COPRS: variants seen among roughly 807,000 people sequenced by gnomAD.
The protein encoded by COPRS is coordinator of PRMT5 and differentiation stimulator.
In COPRS, 11 loss-of-function variants were observed where a neutral mutation model predicts 19.9. That is an observed-to-expected ratio of 0.55 (90% confidence interval 0.35 to 0.92). The LOEUF (loss-of-function observed/expected upper bound fraction) is 0.92, where lower values mean the gene tolerates loss of function less well. Among genes scored for constraint, COPRS ranks in the 40% least tolerant of loss-of-function variants. The probability of loss-of-function intolerance (pLI) is 0.01; values close to 1 mark genes in which losing one functional copy is unlikely to be tolerated. For missense variants in COPRS, 225 were observed against 229.9 expected (o/e 0.98, Z 0.14); for synonymous variants, 81 against 82.7 (o/e 0.98, Z 0.11).
At chr17:31,858,791 C>T in intron 1 of COPRS, 2 of 1,550,532 alleles carry the variant, frequency 1.3e-6, no homozygotes, top group Non-Finnish European at 1.7e-6. Flanking sequence ...CAGCGGGCCC[C>T]GGCTCTCGGT....
At chr17:31,859,063 C>A in intron 1 of COPRS, 38 bp downstream of exon 1, 5 of 1,150,614 alleles carry the variant, frequency 4.3e-6, no homozygotes, top group Non-Finnish European at 5.3e-6. Context: ...CCCCAGGCTG[C>A]GGCTGGCTGT....
chr17:31,859,217 T>C lies in COPRS; in HGVS notation c.-18A>G. 2.0e-6 allele frequency: 2 copies of C among 1,014,018 alleles called. No individual in the cohort carries two copies. The highest frequency in any genetic ancestry group is 2.4e-6 in the Non-Finnish European group (2 of 841,334). The allele number at this position is 1,014,018 out of a possible 1,614,324, so 62.8% of individuals were successfully genotyped here. A position where few individuals can be genotyped will look rare whatever the true frequency, so the allele number is the denominator to read the frequency against. On this transcript the variant is annotated 5_prime_UTR_variant, in exon 1 of 4. Coordinates refer to ENST00000302362, the MANE Select transcript of COPRS (RefSeq NM_018405.4). The stretch of plus-strand genomic sequence containing the variant: ...AGGTCCATGCCCTGCGGCCCGCGGC[T>C]GGTCGCCCTGGACGCCGTGGGCCAC...
intron 2 of COPRS, among the ~76,000 whole-genome samples, chr17:31,854,090 C>T (rs755359156): frequency 2.0e-5 from 3 of 152,152 alleles, no homozygotes; most frequent in African/African-American, 4.8e-5. Context: ...CGGACTGGGC[C>T]GGGCACGGTA....
At chr17:31,854,355 CAAAAAAA>C (rs34371712) in intron 2 of COPRS, among the ~76,000 whole-genome samples, 4 of 46,438 alleles carry the variant, frequency 8.6e-5, no homozygotes, top group East Asian at 7.4e-4. Flanking sequence ...ACCCTGTCTC[CAAAAAAA>C]AAAAAAAAAA....
chr17:31,852,338 G>T, intron 3 of COPRS, 30 bp from the exon 4 acceptor site: 1 of 1,570,072 alleles, frequency 6.4e-7, no homozygotes, highest in South Asian at 1.2e-5. Context: ...ACAGATTAAG[G>T]GAAGGAAGGA....
chr17:31,858,650 G>C, intron 1 of COPRS: 1 of 1,221,728 alleles, frequency 8.2e-7, no homozygotes, highest in Non-Finnish European at 1.2e-6. Flanking sequence ...GTAAGGAGAA[G>C]GGGGAGCGCG....
intron 2 of COPRS, among the ~76,000 whole-genome samples, chr17:31,854,009 A>G (rs997371555): frequency 2.6e-5 from 4 of 152,206 alleles, no homozygotes; most frequent in Admixed American, 6.5e-5. Context: ...CAATAAAGTG[A>G]TAGTTCAGAG....
Position 31,852,727 on chromosome 17 carries a change from C to T in COPRS, c.385+85G>A. On this transcript the variant is annotated intron_variant, in intron 3 of 3. Transcript: ENST00000302362. ...CCAGCCTAAGCTCATAGATGTGGAC[C>T]CCTGTTCCAAACTGCCTTCAGGGCT... 4 of 908,728 alleles carry T rather than the reference C, an allele frequency of 4.4e-6. No homozygotes were observed. The South Asian group carries it at 5.2e-5, about 12-fold the overall frequency. The allele number at this position is 908,728 out of a possible 1,614,324, so 56.3% of individuals were successfully genotyped here. A position where few individuals can be genotyped will look rare whatever the true frequency, so the allele number is the denominator to read the frequency against.
Position 31,859,097 on chromosome 17 carries a change from T to G in COPRS, c.99+4A>C, listed in dbSNP as rs905145752. The G allele has an allele frequency of 1.8e-6, 2 of 1,114,182 alleles. No individual in the cohort carries two copies. Among genetic ancestry groups the G allele is most frequent in the Admixed American group, 4.7e-5 (1 of 21,428 alleles). 69.0% of individuals were successfully genotyped at this position (1,114,182 alleles called of 1,614,324 possible). On this transcript the variant is annotated splice_donor_region_variant and intron_variant, in intron 1 of 3. Transcript: ENST00000302362. Reference sequence around the variant, plus strand: ...GTTGCTCCTGGCCCCCACGCGGCGCTCACCTCCGGGCTGGGGGGCGCCCCC... The same window carrying G: ...GTTGCTCCTGGCCCCCACGCGGCGCGCACCTCCGGGCTGGGGGGCGCCCCC...
rs1909210149 is a variant in COPRS, at chr17:31,852,962, C to T, written c.235G>A (p.Gly79Ser). ...GAGTCCTCCTCATCCATGGCAAAGC[C>T]TTCCTCTTCAGAATGGGTGCCCTCA... ...RGEGTHSEEE[G>S]FAMDEEDSDG... Residue 79 changes from glycine (G) to serine (S), a missense_variant, in exon 3 of 4, where the codon GGC (glycine) becomes AGC (serine). Physicochemically the swap from Gly to Ser is moderately conservative, Grantham distance 56. Transcript: ENST00000302362. 2 of 1,614,176 alleles carry T rather than the reference C, an allele frequency of 1.2e-6. No individual in the cohort carries two copies. The highest frequency in any genetic ancestry group is 1.7e-5 in the Admixed American group (1 of 60,022).
rs1180008835 is a variant in COPRS at position 31,856,539 on chromosome 17, A to C, written c.166+260T>G. 2.5e-5 allele frequency: 12 copies of C among 487,452 alleles called. 1 individual carries two copies. In the East Asian group the frequency reaches 5.0e-4, roughly 20 times the overall value. The allele number at this position is 487,452 out of a possible 1,614,324, so 30.2% of individuals were successfully genotyped here. On this transcript the variant is annotated intron_variant, in intron 2 of 3. Coordinates refer to ENST00000302362, the MANE Select transcript of COPRS (RefSeq NM_018405.4). The stretch of plus-strand genomic sequence containing the variant: ...TCTTAGAATGTATCCCCTAGGAATA[A>C]GGTGAGACTGCTGTACTATTTTCAC...
rs1278272308 is a variant in COPRS, at chr17:31,851,953, GAAC to G, written c.*183_*185del. On this transcript the variant is annotated 3_prime_UTR_variant, in exon 4 of 4. Transcript: ENST00000302362. The stretch of plus-strand genomic sequence containing the variant: ...CACATTTCAAGGAGGAGCCCATTAA[GAAC>G]AACAACAGACTGGCGAGAATGACGG... 26 of 603,172 alleles carry G rather than the reference GAAC, an allele frequency of 4.3e-5. No homozygotes were observed. Among genetic ancestry groups the G allele is most frequent in the South Asian group, 2.2e-4 (11 of 49,510 alleles). 37.4% of individuals were successfully genotyped at this position (603,172 alleles called of 1,614,324 possible).
intron 2 of COPRS, 88 bp downstream of exon 2, chr17:31,856,711 G>A: frequency 1.1e-6 from 1 of 872,874 alleles, no homozygotes; most frequent in Non-Finnish European, 2.0e-6. Context: ...GAGAGGACTG[G>A]CTAAAAGAGA....
At position 31,852,941 on chromosome 17, in the gene COPRS, C is replaced by A; in HGVS notation, c.256G>T (p.Asp86Tyr). 1 of 1,614,036 alleles carries A rather than the reference C, an allele frequency of 6.2e-7. No homozygotes were observed. The highest frequency in any genetic ancestry group is 8.5e-7 in the Non-Finnish European group (1 of 1,179,850). Residue 86 changes from aspartate (D) to tyrosine (Y), a missense_variant, in exon 3 of 4, where the codon GAC (aspartate) becomes TAC (tyrosine). Asp to Tyr is a radical substitution (Grantham distance 160). Transcript: ENST00000302362. ...EEEGFAMDEEDSDGELNTWEL... is the reference protein window; with the variant it reads ...EEEGFAMDEEYSDGELNTWEL... The stretch of plus-strand genomic sequence containing the variant: ...CAGGTATTCAGTTCTCCATCAGAGT[C>A]CTCCTCATCCATGGCAAAGCCTTCC...
Position 31,856,509 on chromosome 17 carries a change from G to A in COPRS, c.166+290C>T, listed in dbSNP as rs990342172. ...CAGTTTCAGGCATCCATTGGGGCGG[G>A]GGGGTCTTAGAATGTATCCCCTAGG... On this transcript the variant is annotated intron_variant, in intron 2 of 3. Transcript: ENST00000302362. 15 of 413,650 alleles carry A rather than the reference G, an allele frequency of 3.6e-5. No individual in the cohort carries two copies. The Admixed American group carries it at 5.0e-4, about 14-fold the overall frequency. 25.6% of individuals were successfully genotyped at this position (413,650 alleles called of 1,614,324 possible).
chr17:31,857,146 C>T (rs1051876713), intron 1 of COPRS, among the ~76,000 whole-genome samples: 3 of 152,240 alleles, frequency 2.0e-5, no homozygotes, highest in East Asian at 3.9e-4. Context: ...TACAGTTCTG[C>T]GAACTCTTGC....
At chr17:31,857,466 C>G (rs1178184376) in intron 1 of COPRS, among the ~76,000 whole-genome samples, 1 of 152,206 alleles carries the variant, frequency 6.6e-6, no homozygotes, top group Non-Finnish European at 1.5e-5. Flanking sequence ...CACCAACACA[C>G]TGAGGTGGGG....
intron 1 of COPRS, among the ~76,000 whole-genome samples, chr17:31,857,671 TC>T (rs1469401358): frequency 1.3e-5 from 2 of 152,272 alleles, no homozygotes; most frequent in Admixed American, 1.3e-4. Flanking sequence ...CTGATTTTGA[TC>T]CCAGCTCTGC....
chr17:31,852,294 G>C lies in COPRS; in HGVS notation c.400C>G (p.Gln134Glu), dbSNP rs369078737. ...TTAAGCTCTTGAGAAATGCTCTCCT[G>C]GATGTCGTCAGCATCTGCAGGCAGT... ...QGNPYDADDIQESISQELKPW... is the reference protein window; with the variant it reads ...QGNPYDADDIEESISQELKPW... The change falls in exon 4 of 4, where the codon CAG becomes GAG. Residue 134 changes from glutamine to glutamate, a missense_variant. Gln to Glu is a conservative substitution (Grantham distance 29). Around this residue, in one of 3 missense-constraint regions of COPRS, gnomAD observed 170 missense variants for 171.4 expected, o/e 0.99. Coordinates refer to ENST00000302362, the MANE Select transcript of COPRS (RefSeq NM_018405.4). 2.5e-5 allele frequency: 40 copies of C among 1,607,224 alleles called. No individual in the cohort carries two copies. Among genetic ancestry groups the C allele is most frequent in the Non-Finnish European group, 3.1e-5 (37 of 1,176,346 alleles).
Sources: allele counts gnomAD v4.1 joint callset (sites outside exome capture counted in the v4.1 genomes callset), GRCh38; gene constraint gnomAD v4.1.1; regional missense constraint gnomAD v4.1.1; transcripts MANE v1.5; gene names NCBI Gene and HGNC (gene_info 2026-07-23, HGNC 2026-07-21).